The following WAC variants were observed in gnomAD, a reference collection of about 807,000 sequenced individuals.
WAC encodes the protein WW domain-containing adapter protein with coiled-coil.
In WAC, 11 loss-of-function variants were observed where a neutral mutation model predicts 79.6. That is an observed-to-expected ratio of 0.14 (90% CI 0.09 to 0.23). The LOEUF (loss-of-function observed/expected upper bound fraction) is 0.23, where lower values mean the gene tolerates loss of function less well. Among genes scored for constraint, WAC ranks in the 10% least tolerant of loss-of-function variants. The probability of loss-of-function intolerance (pLI) is 1.00; values close to 1 mark genes in which losing one functional copy is unlikely to be tolerated. For missense variants in WAC, 728 were observed against 773.5 expected (o/e 0.94, Z 0.70); for synonymous variants, 304 against 276.9 (o/e 1.10, Z -0.97).
At position 28,533,403 on chromosome 10, in the gene WAC, G is replaced by A. The variant is rs1360607890; in HGVS notation, c.-177G>A. 1 of 165,758 alleles carries A rather than the reference G, an allele frequency of 6.0e-6. No individual in the cohort carries two copies. The highest frequency in any genetic ancestry group is 1.3e-5 in the Non-Finnish European group (1 of 79,384). The allele number at this position is 165,758 out of a possible 1,614,324, so 10.3% of individuals were successfully genotyped here. On this transcript the variant is annotated 5_prime_UTR_variant, in exon 1 of 14. Coordinates refer to ENST00000354911, the MANE Select transcript of WAC (RefSeq NM_016628.5). ...GAGAGTGAGCGTGGTGTCGACGGAG[G>A]GAGATGGCCCGGGAGCGCCGGCGCC...
chr10:28,585,268 A>G (rs1052442444), intron 4 of WAC, among the ~76,000 whole-genome samples: 1 of 152,062 alleles, frequency 6.6e-6, no homozygotes, highest in Non-Finnish European at 1.5e-5. Flanking sequence ...TGGTAGTAAT[A>G]CCTCTGAGGG....
chr10:28,570,286 T>C (rs1244531498), intron 3 of WAC, among the ~76,000 whole-genome samples: 1 of 152,232 alleles, frequency 6.6e-6, no homozygotes, highest in Non-Finnish European at 1.5e-5. Flanking sequence ...ATTCTAAGTA[T>C]TTTTAGTGGG....
rs991762624 is a variant in WAC at position 28,616,237 on chromosome 10, A to C, written c.1621A>C (p.Thr541Pro). ...TSNSSNASNA[T>P]VVPQNSSARS... ...TAATAGTAGTAATGCATCAAATGCA[A>C]CAGTTGTACCACAGAATTCTTCTGC... Residue 541 changes from threonine to proline, a missense_variant, in exon 12 of 14, where the codon ACA becomes CCA. Physicochemically the swap from Thr to Pro is conservative, Grantham distance 38. Around this residue, in one of 3 missense-constraint regions of WAC, gnomAD observed 648 missense variants for 661.5 expected, o/e 0.98. Coordinates refer to ENST00000354911, the MANE Select transcript of WAC (RefSeq NM_016628.5). 6 of 1,613,922 alleles carry C rather than the reference A, an allele frequency of 3.7e-6. No individual in the cohort carries two copies. Among genetic ancestry groups the C allele is most frequent in the Non-Finnish European group, 5.1e-6 (6 of 1,179,896 alleles).
intron 3 of WAC, among the ~76,000 whole-genome samples, chr10:28,565,442 A>G (rs1445542624): frequency 1.3e-5 from 2 of 152,136 alleles, no homozygotes; most frequent in African/African-American, 2.4e-5. Context: ...GCTCAATCAT[A>G]GCTCACTGCA....
At chr10:28,547,429 GGAGGCT>G (rs1417334168) in intron 3 of WAC, among the ~76,000 whole-genome samples, 1 of 152,046 alleles carries the variant, frequency 6.6e-6, no homozygotes. Context: ...CAGCTACCTG[GGAGGCT>G]GAGGCAGGAG....
rs773590000 is a variant in WAC at position 28,619,603 on chromosome 10, G to T, written c.1941G>T (p.Val647=). Residue 647 remains valine (V), a synonymous_variant, in exon 14 of 14, where the codon GTG becomes GTT. Coordinates refer to ENST00000354911, the MANE Select transcript of WAC (RefSeq NM_016628.5). ...EKLKNQNSFM[V] ...TAAAAAATCAGAATTCCTTCATGGT[G>T]TGAAGATGTGAATAATTGCACATGG... is the stretch of plus-strand genomic sequence containing the variant. The T allele has an allele frequency of 1.0e-5, 16 of 1,574,564 alleles. No individual in the cohort carries two copies. The highest frequency in any genetic ancestry group is 1.4e-5 in the Non-Finnish European group (16 of 1,169,654).
At chr10:28,538,563 C>T (rs976391407) in intron 3 of WAC, among the ~76,000 whole-genome samples, 8 of 129,654 alleles carry the variant, frequency 6.2e-5, no homozygotes, top group Non-Finnish European at 9.4e-5. Context: ...GCCTGGGAGA[C>T]GGATTGAGAC....
At chr10:28,612,092 T>G (rs776349590) in intron 10 of WAC, among the ~76,000 whole-genome samples, 170 bp downstream of exon 10, 13 of 152,186 alleles carry the variant, frequency 8.5e-5, no homozygotes, top group Non-Finnish European at 1.6e-4. Flanking sequence ...CACTGAGGGA[T>G]AGAGGGGGGC....
chr10:28,598,403 C>G (rs979944470), intron 7 of WAC, among the ~76,000 whole-genome samples: 1 of 152,150 alleles, frequency 6.6e-6, no homozygotes, highest in African/African-American at 2.4e-5. Context: ...CATTGCTGTC[C>G]TGTTGAATCC....
At chr10:28,596,443 AT>A (rs1321469733) in intron 7 of WAC, among the ~76,000 whole-genome samples, 1 of 152,176 alleles carries the variant, frequency 6.6e-6, no homozygotes, top group Non-Finnish European at 1.5e-5. Context: ...TCTGTATAAC[AT>A]TTCATTATTG....
chr10:28,614,228 C>T (rs1044379279), intron 10 of WAC, among the ~76,000 whole-genome samples: 2 of 152,028 alleles, frequency 1.3e-5, no homozygotes, highest in Non-Finnish European at 2.9e-5. Context: ...GCCTCAGCCT[C>T]CCGAGTAGCT....
chr10:28,603,325 C>T (rs1375794188), intron 7 of WAC, among the ~76,000 whole-genome samples: 1 of 152,160 alleles, frequency 6.6e-6, no homozygotes, highest in Non-Finnish European at 1.5e-5. Context: ...GCCCGTGGCC[C>T]ATGGGTTGGA....
At position 28,619,718 on chromosome 10, in the gene WAC, G is replaced by T; in HGVS notation, c.*112G>T. On this transcript the variant is annotated 3_prime_UTR_variant, in exon 14 of 14. Transcript: ENST00000354911. ...ACTTTGGACCGTTAAGCTGGGCAAA[G>T]GAAATGACAAGGGGACGGGGTCTGT... 2.5e-6 allele frequency: 2 copies of T among 804,314 alleles called. No individual in the cohort carries two copies. The highest frequency in any genetic ancestry group is 1.9e-6 in the Non-Finnish European group (1 of 534,758). The allele number at this position is 804,314 out of a possible 1,614,324, so 49.8% of individuals were successfully genotyped here.
At chr10:28,596,173 T>C (rs1331354594) in intron 7 of WAC, 132 bp downstream of exon 7, 2 of 986,614 alleles carry the variant, frequency 2.0e-6, no homozygotes, top group Non-Finnish European at 2.9e-6. Flanking sequence ...AATGTTTCTG[T>C]GTAGAGTTAG....
At chr10:28,553,475 A>G (rs1323055970) in intron 3 of WAC, among the ~76,000 whole-genome samples, 3 of 152,174 alleles carry the variant, frequency 2.0e-5, no homozygotes, top group African/African-American at 7.2e-5. Context: ...AATTTTTTTA[A>G]TGAAAAATGA....
intron 10 of WAC, among the ~76,000 whole-genome samples, chr10:28,614,102 A>C (rs1373502169): frequency 6.6e-6 from 1 of 152,190 alleles, no homozygotes; most frequent in African/African-American, 2.4e-5. Context: ...GTAAAGGAGA[A>C]CTAGTTACTT....
At chr10:28,598,115 C>G (rs574286103) in intron 7 of WAC, among the ~76,000 whole-genome samples, 1 of 152,256 alleles carries the variant, frequency 6.6e-6, no homozygotes, top group South Asian at 2.1e-4. Flanking sequence ...CCAGTCTATC[C>G]GCTTAACAGT....
intron 3 of WAC, among the ~76,000 whole-genome samples, chr10:28,568,875 G>T (rs1308157446): frequency 6.6e-6 from 1 of 152,120 alleles, no homozygotes; most frequent in Admixed American, 6.5e-5. Flanking sequence ...CCCGGCCTAA[G>T]TTCTTTTTAT....
rs529383467 is a variant in WAC, at chr10:28,577,809, A to G, written c.275-5590A>G. 2.0e-5 allele frequency among the ~76,000 whole-genome samples: 3 copies of G among 152,224 alleles called. No homozygotes were observed. The East Asian group carries it at 5.8e-4, about 29-fold the overall frequency. ...TTGACTTCGTAAACCTTTGTTTCCCAATGTGTGGCCTGGGTGCTAACTATA... is the reference window on the plus strand; with the variant it reads ...TTGACTTCGTAAACCTTTGTTTCCCGATGTGTGGCCTGGGTGCTAACTATA... On this transcript the variant is annotated intron_variant, in intron 3 of 13. Coordinates refer to ENST00000354911, the MANE Select transcript of WAC (RefSeq NM_016628.5).
Sources: gnomAD v4.1 joint callset for allele counts (sites outside exome capture counted in the v4.1 genomes callset) on GRCh38, gnomAD v4.1.1 for gene constraint, gnomAD v4.1.1 regional missense constraint, MANE v1.5 for transcripts, NCBI Gene and HGNC (gene_info 2026-07-23, HGNC 2026-07-21) for gene names.